The following ITGAL variants were observed in gnomAD, a reference collection of about 807,000 sequenced individuals.
ITGAL encodes integrin subunit alpha L, also known as integrin alpha-L.
In ITGAL, 68 loss-of-function variants were observed where a neutral mutation model predicts 138.4. The observed-to-expected ratio is 0.49, with a 90% confidence interval of 0.40 to 0.60. The LOEUF (loss-of-function observed/expected upper bound fraction) is 0.60. Among genes scored for constraint, ITGAL ranks in the 20% least tolerant of loss-of-function variants. The pLI is 0.00. For synonymous variants in ITGAL, 561 were observed against 584.3 expected, an observed-to-expected ratio of 0.96 and a Z score of 0.57; for missense variants, 1,256 against 1,478.6, an observed-to-expected ratio of 0.85 and a Z score of 2.47.
chr16:30,498,242 T>C (rs1197675935), intron 15 of ITGAL, among the ~76,000 whole-genome samples: 1 of 146,854 alleles, frequency 6.8e-6, no homozygotes, highest in Admixed American at 6.9e-5. Context: ...GGAGAATTGC[T>C]TGAGCCCAAG....
intron 11 of ITGAL, among the ~76,000 whole-genome samples, chr16:30,490,038 C>T (rs2050702552): frequency 6.6e-6 from 1 of 151,900 alleles, no homozygotes; most frequent in South Asian, 2.1e-4. Context: ...ACCAGCCTGG[C>T]CAACATGGCA....
At chr16:30,508,846 G>A (rs1398562093) in intron 21 of ITGAL, among the ~76,000 whole-genome samples, 3 of 151,840 alleles carry the variant, frequency 2.0e-5, no homozygotes, top group Admixed American at 6.6e-5. Context: ...GCGACAGAGC[G>A]AGACCTTGTC....
At position 30,474,203 on chromosome 16, in the gene ITGAL, C is replaced by A. The variant is rs779528198; in HGVS notation, c.69C>A (p.Ala23=). Residue 23 remains alanine, a synonymous_variant, in exon 2 of 31, where the codon GCC becomes GCA. Transcript: ENST00000356798. ...GACCCTTGCCTTCCTCAGCGCCGGC[C>A]TCGAGCTACAACCTGGACGTGCGGG... ...LLSGFFFFAP[A]SSYNLDVRGA... 3.7e-6 allele frequency: 6 copies of A among 1,602,514 alleles called. No individual in the cohort carries two copies. Among genetic ancestry groups the A allele is most frequent in the Middle Eastern group, 1.7e-4 (1 of 6,048 alleles).
At chr16:30,508,348 G>C (rs910144218) in intron 21 of ITGAL, among the ~76,000 whole-genome samples, 6 of 151,720 alleles carry the variant, frequency 4.0e-5, no homozygotes, top group African/African-American at 1.5e-4. Context: ...CGAGTAGCTG[G>C]GATACAGGCG....
Position 30,484,146 on chromosome 16 carries a change from G to A in ITGAL, c.889G>A (p.Glu297Lys). 6.2e-7 allele frequency: 1 copy of A among 1,614,072 alleles called. No individual in the cohort carries two copies. The highest frequency in any genetic ancestry group is 8.5e-7 in the Non-Finnish European group (1 of 1,179,994). ...GKHFQTKESQ[E>K]TLHKFASKPA... ...GCATTTTCAGACCAAGGAGAGTCAG[G>A]AGACCCTCCACAAATTTGCATCAAA... Residue 297 changes from glutamate to lysine, a missense_variant, in exon 9 of 31, where the codon GAG (glutamate) becomes AAG (lysine). Glu to Lys is a moderately conservative substitution (Grantham distance 56). Coordinates refer to ENST00000356798, the MANE Select transcript of ITGAL (RefSeq NM_002209.3).
Position 30,481,030 on chromosome 16 carries a change from G to A in ITGAL, c.577-409G>A, listed in dbSNP as rs1317103695. 12 of 190,920 alleles carry A rather than the reference G, an allele frequency of 6.3e-5. No homozygotes were observed. The East Asian group carries it at 1.2e-3, about 19-fold the overall frequency. The allele number at this position is 190,920 out of a possible 1,614,324, so 11.8% of individuals were successfully genotyped here. A position where few individuals can be genotyped will look rare whatever the true frequency, so the allele number is the denominator to read the frequency against. On this transcript the variant is annotated intron_variant, in intron 6 of 30. Coordinates refer to ENST00000356798, the MANE Select transcript of ITGAL (RefSeq NM_002209.3). Reference sequence around the variant, plus strand: ...AGAAGTAGAGTTTGGGGCTGGGCACGGTGGCTCATGCCTGTAATCCTAGCA... The same window carrying A: ...AGAAGTAGAGTTTGGGGCTGGGCACAGTGGCTCATGCCTGTAATCCTAGCA...
chr16:30,475,110 C>A (rs34450976), intron 2 of ITGAL, among the ~76,000 whole-genome samples, 196 bp from the exon 3 acceptor site: 2,126 of 152,216 alleles, frequency 0.014, 50 homozygotes, highest in African/African-American at 0.048. Context: ...CCACCGACAT[C>A]GGCCTCCCAA....
intron 9 of ITGAL, 45 bp from the exon 10 acceptor site, chr16:30,489,037 A>T (rs763345425): frequency 6.5e-7 from 1 of 1,535,494 alleles, no homozygotes; most frequent in Non-Finnish European, 9.0e-7. Flanking sequence ...TTTTCACTGC[A>T]TTTACTGCTG....
At chr16:30,479,774 C>T (rs929427286) in intron 6 of ITGAL, among the ~76,000 whole-genome samples, 3 of 150,838 alleles carry the variant, frequency 2.0e-5, no homozygotes, top group Admixed American at 1.3e-4. Context: ...GCCTCAGCCT[C>T]CCAAGTAGCT....
chr16:30,515,617 G>A (rs1168657753), intron 25 of ITGAL, among the ~76,000 whole-genome samples: 2 of 152,064 alleles, frequency 1.3e-5, no homozygotes, highest in South Asian at 2.1e-4. Context: ...CTCACCTGGT[G>A]CCATCCTGGC....
rs372590913 is a variant in ITGAL at position 30,479,072 on chromosome 16, T to C, written c.328-19T>C. On this transcript the variant is annotated intron_variant, in intron 4 of 30. Coordinates refer to ENST00000356798, the MANE Select transcript of ITGAL (RefSeq NM_002209.3). ...ATAGCAAATAGGAGACCCAAATCTTTGGCCTTTGCTTTCTTTAGGCCTGTG... is the reference window on the plus strand; with the variant it reads ...ATAGCAAATAGGAGACCCAAATCTTCGGCCTTTGCTTTCTTTAGGCCTGTG... The C allele has an allele frequency of 1.9e-6, 3 of 1,598,190 alleles. No individual in the cohort carries two copies. The highest frequency in any genetic ancestry group is 2.7e-5 in the African/African-American group (2 of 74,594).
chr16:30,494,249 T>A lies in ITGAL; in HGVS notation c.1251T>A (p.Thr417=). 2 of 1,612,576 alleles carry A rather than the reference T, an allele frequency of 1.2e-6. No individual in the cohort carries two copies. The highest frequency in any genetic ancestry group is 1.7e-6 in the Non-Finnish European group (2 of 1,178,912). The change falls in exon 12 of 31, where the codon ACT becomes ACA. Residue 417 remains threonine, a synonymous_variant. Coordinates refer to ENST00000356798, the MANE Select transcript of ITGAL (RefSeq NM_002209.3). This position sits in a 1 kb window ranked among gnomAD's most constrained non-coding sequence, Gnocchi z 4.2. ...TVTWLPSRQK[T]SLLASGAPRY... The stretch of plus-strand genomic sequence containing the variant: ...CCTGGCTGCCCTCCCGGCAAAAGAC[T>A]TCGTTGCTGGCCTCGGGAGCCCCTC...
In ITGAL at chr16:30,489,310, C is replaced by G. The variant is rs750436288; in HGVS notation, c.1137C>G (p.Asp379Glu). The change falls in exon 11 of 31, where the codon GAC becomes GAG. Residue 379 changes from aspartate to glutamate, a missense_variant. This residue lies in a region of ITGAL where 177 missense variants were observed against 288.8 expected (regional missense o/e 0.61). Transcript: ENST00000356798. ...AGGACTGGGCTGGGGGCTTTCTTGACCTGAAGGCAGACCTGCAGGATGACA... is the reference window on the plus strand; with the variant it reads ...AGGACTGGGCTGGGGGCTTTCTTGAGCTGAAGGCAGACCTGCAGGATGACA... Reference protein sequence around the residue: ...GAKDWAGGFLDLKADLQDDTF... With the variant: ...GAKDWAGGFLELKADLQDDTF... The G allele has an allele frequency of 3.7e-6, 6 of 1,613,822 alleles. No homozygotes were observed. The South Asian group carries it at 6.6e-5, about 18-fold the overall frequency.
chr16:30,499,141 G>A lies in ITGAL; in HGVS notation c.1900G>A (p.Val634Met). 6.2e-7 allele frequency: 1 copy of A among 1,614,104 alleles called. No homozygotes were observed. The highest frequency in any genetic ancestry group is 8.5e-7 in the Non-Finnish European group (1 of 1,179,988). Residue 634 changes from valine (V) to methionine (M), a missense_variant, in exon 16 of 31, where the codon GTG (valine) becomes ATG (methionine). Val to Met is a conservative substitution (Grantham distance 21). Coordinates refer to ENST00000356798, the MANE Select transcript of ITGAL (RefSeq NM_002209.3). ...TCCAGCTGAGATCCCAGTGCATGAA[G>A]TGGAGTGCTCCTATTCAACCAGTAA... ...FSPAEIPVHE[V>M]ECSYSTSNKM... is the part of the protein sequence containing the mutation.
At chr16:30,499,555 G>A in intron 17 of ITGAL, 66 bp downstream of exon 17, 1 of 1,516,380 alleles carries the variant, frequency 6.6e-7, no homozygotes, top group Non-Finnish European at 9.1e-7. Context: ...CTCCGTCACT[G>A]TCCAGTGGGT....
intron 9 of ITGAL, among the ~76,000 whole-genome samples, chr16:30,488,057 C>T (rs778922406): frequency 1.3e-4 from 19 of 151,772 alleles, no homozygotes; most frequent in Non-Finnish European, 2.6e-4. Flanking sequence ...AAGCCAGGCA[C>T]GGTGGTGCAT....
intron 21 of ITGAL, among the ~76,000 whole-genome samples, chr16:30,507,144 G>A (rs2051013387): frequency 6.6e-6 from 1 of 152,100 alleles, no homozygotes. Flanking sequence ...CCAACATGGT[G>A]AAACCCTGTC....
At chr16:30,508,099 G>A (rs1489633662) in intron 21 of ITGAL, among the ~76,000 whole-genome samples, 25 of 151,284 alleles carry the variant, frequency 1.7e-4, no homozygotes, top group African/African-American at 5.1e-4. Context: ...TAGTAGAGAC[G>A]GGGTTTCACT....
chr16:30,481,291 A>G, intron 6 of ITGAL, 148 bp from the exon 7 acceptor site: 1 of 629,364 alleles, frequency 1.6e-6, no homozygotes, highest in South Asian at 2.0e-5. Context: ...GGTTGCAGTG[A>G]GCCAAGATTG....
Sources: gnomAD v4.1 joint callset for allele counts (sites outside exome capture counted in the v4.1 genomes callset) on GRCh38, gnomAD v4.1.1 for gene constraint, gnomAD v4.1.1 regional missense constraint, Gnocchi (gnomAD v3.1) non-coding constraint, MANE v1.5 for transcripts, NCBI Gene and HGNC (gene_info 2026-07-23, HGNC 2026-07-21) for gene names.